CMC2: variants seen among roughly 807,000 people sequenced by gnomAD.
CMC2 encodes the protein C-X9-C motif containing 2.
CMC2 carries 5 observed loss-of-function variants against 7.5 expected under a neutral mutation model. The ratio of observed to expected loss-of-function variants is 0.66; its 90% CI spans 0.35 to 1.40. The LOEUF (loss-of-function observed/expected upper bound fraction) is 1.40, where lower values mean the gene tolerates loss of function less well. CMC2 is among the 40% of genes most tolerant of loss of function. The probability of loss-of-function intolerance (pLI) is 0.04; values close to 1 mark genes in which losing one functional copy is unlikely to be tolerated. For missense variants in CMC2, 115 were observed against 92.3 expected, an observed-to-expected ratio of 1.25 and a Z score of -1.01; for synonymous variants, 37 against 31.4, an observed-to-expected ratio of 1.18 and a Z score of -0.60.
rs976939258 is a variant in CMC2, at chr16:80,970,640, T to C, written c.*5453A>G. 1 of 152,238 alleles carries C rather than the reference T, an allele frequency of 6.6e-6. No individual in the cohort carries two copies. The highest frequency in any genetic ancestry group is 1.5e-5 in the Non-Finnish European group (1 of 68,032). The allele number at this position is 152,238 out of a possible 1,614,324, so 9.4% of individuals were successfully genotyped here. A position where few individuals can be genotyped will look rare whatever the true frequency, so the allele number is the denominator to read the frequency against. ...GAAACAAATGATTCATTACTGTTAC[T>C]ATTCAAAAGTGATGTGACTGTCTAC... On this transcript the variant is annotated 3_prime_UTR_variant, in exon 4 of 4. Coordinates refer to ENST00000219400, the MANE Select transcript of CMC2 (RefSeq NM_020188.5).
At chr16:80,984,086 T>G (rs1451543812) in intron 2 of CMC2, 1 of 152,244 alleles carries the variant, frequency 6.6e-6, no homozygotes, top group African/African-American at 2.4e-5. Flanking sequence ...AAGTTCAGTC[T>G]GATTTAAAAA....
chr16:80,974,987 A>G lies in CMC2; in HGVS notation c.*1106T>C, dbSNP rs186951177. Reference sequence around the variant, plus strand: ...AGGCCTCATGCTGGATATTATACACAGAACTCCACTAGAAGGAGCTCACAG... The same window carrying G: ...AGGCCTCATGCTGGATATTATACACGGAACTCCACTAGAAGGAGCTCACAG... On this transcript the variant is annotated 3_prime_UTR_variant, in exon 4 of 4. Coordinates refer to ENST00000219400, the MANE Select transcript of CMC2 (RefSeq NM_020188.5). The G allele has an allele frequency of 2.0e-5, 3 of 152,356 alleles. No homozygotes were observed. The highest frequency in any genetic ancestry group is 2.9e-5 in the Non-Finnish European group (2 of 68,042). 9.4% of individuals were successfully genotyped at this position (152,356 alleles called of 1,614,324 possible).
rs182117468 is a variant in CMC2 at position 80,990,746 on chromosome 16, T to A, written c.81+6568A>T. ...TTTTTTCTTCTTTTCAGAGGCAGGG[T>A]CTTACTCTGTCACCCAGGCTGGAAT... is the stretch of plus-strand genomic sequence containing the variant. On this transcript the variant is annotated intron_variant, in intron 2 of 3. Transcript: ENST00000219400. Among the ~76,000 whole-genome samples, 46 of 152,106 alleles carry A rather than the reference T, an allele frequency of 3.0e-4. No individual in the cohort carries two copies. The East Asian group carries it at 8.5e-3, about 28-fold the overall frequency.
intron 3 of CMC2, among the ~76,000 whole-genome samples, chr16:80,979,087 T>A (rs7184691): frequency 0.38 from 57,100 of 149,448 alleles, 12,252 homozygotes; most frequent in African/African-American, 0.6. Context: ...GCAAAAAAAA[T>A]AAAAAAATAA....
intron 3 of CMC2, among the ~76,000 whole-genome samples, chr16:80,978,633 C>T (rs779753821): frequency 1.3e-5 from 2 of 151,750 alleles, no homozygotes; most frequent in Non-Finnish European, 2.9e-5. Flanking sequence ...CTTTGGGAGG[C>T]CAAGATGGGA....
intron 2 of CMC2, among the ~76,000 whole-genome samples, chr16:80,986,031 T>C (rs1967503176): frequency 6.6e-6 from 1 of 152,012 alleles, no homozygotes; most frequent in Non-Finnish European, 1.5e-5. Flanking sequence ...TAACGCATTG[T>C]ATAGGCAAAA....
rs1396441845 is a variant in CMC2 at position 80,968,932 on chromosome 16, T to G, written c.*7161A>C. The G allele has an allele frequency of 2.6e-5, 4 of 152,094 alleles. No individual in the cohort carries two copies. The highest frequency in any genetic ancestry group is 5.9e-5 in the Non-Finnish European group (4 of 68,028). 9.4% of individuals were successfully genotyped at this position (152,094 alleles called of 1,614,324 possible). On this transcript the variant is annotated 3_prime_UTR_variant, in exon 4 of 4. Transcript: ENST00000219400. Reference sequence around the variant, plus strand: ...AGGAATGGTGTGAGAAACAAGAATATCACATAAAGCCAGGAGATGGTAATC... The same window carrying G: ...AGGAATGGTGTGAGAAACAAGAATAGCACATAAAGCCAGGAGATGGTAATC...
In CMC2 at chr16:80,975,229, C is replaced by T. The variant is rs1369370740; in HGVS notation, c.*864G>A. On this transcript the variant is annotated 3_prime_UTR_variant, in exon 4 of 4. Coordinates refer to ENST00000219400, the MANE Select transcript of CMC2 (RefSeq NM_020188.5). ...AATGTCCAGGAGTTAACTGGCACCT[C>T]GAGTGGACACATTCAACCAAATGGG... The T allele has an allele frequency of 2.0e-5, 3 of 152,250 alleles. No individual in the cohort carries two copies. Among genetic ancestry groups the T allele is most frequent in the African/African-American group, 7.2e-5 (3 of 41,448 alleles). 9.4% of individuals were successfully genotyped at this position (152,250 alleles called of 1,614,324 possible). A position where few individuals can be genotyped will look rare whatever the true frequency, so the allele number is the denominator to read the frequency against.
At position 80,974,977 on chromosome 16, in the gene CMC2, T is replaced by C. The variant is rs937232208; in HGVS notation, c.*1116A>G. The C allele has an allele frequency of 6.6e-6, 1 of 152,234 alleles. No individual in the cohort carries two copies. The highest frequency in any genetic ancestry group is 1.5e-5 in the Non-Finnish European group (1 of 68,062). 9.4% of individuals were successfully genotyped at this position (152,234 alleles called of 1,614,324 possible). On this transcript the variant is annotated 3_prime_UTR_variant, in exon 4 of 4. Transcript: ENST00000219400. ...AACACCAACAAGGCCTCATGCTGGA[T>C]ATTATACACAGAACTCCACTAGAAG...
intron 1 of CMC2, chr16:80,997,685 C>G (rs1334663274): frequency 4.1e-6 from 1 of 241,366 alleles, no homozygotes; most frequent in East Asian, 8.0e-5. Flanking sequence ...AGACCCAATC[C>G]CGGAAATAAG....
At chr16:80,994,174 T>G (rs1223268149) in intron 2 of CMC2, among the ~76,000 whole-genome samples, 2 of 152,086 alleles carry the variant, frequency 1.3e-5, no homozygotes, top group African/African-American at 4.8e-5. Flanking sequence ...AACTCACACC[T>G]CATACTATAC....
chr16:81,004,088 T>TATCG (rs1969057992), intron 1 of CMC2, among the ~76,000 whole-genome samples: 2 of 152,068 alleles, frequency 1.3e-5, no homozygotes, highest in Admixed American at 1.3e-4. Flanking sequence ...CTGGGCGTGG[T>TATCG]GGTGGGGGCC....
chr16:80,981,383 C>A (rs915188709), intron 3 of CMC2, among the ~76,000 whole-genome samples: 1 of 151,412 alleles, frequency 6.6e-6, no homozygotes, highest in Non-Finnish European at 1.5e-5. Context: ...ACCATAACTA[C>A]AAAGAAATTC....
intron 2 of CMC2, among the ~76,000 whole-genome samples, chr16:80,987,824 C>A (rs1258421236): frequency 6.6e-6 from 1 of 152,150 alleles, no homozygotes; most frequent in Non-Finnish European, 1.5e-5. Context: ...CAGAATTACA[C>A]AAACTCAGGG....
At chr16:81,000,250 C>T (rs191215616) in intron 1 of CMC2, among the ~76,000 whole-genome samples, 4 of 152,072 alleles carry the variant, frequency 2.6e-5, no homozygotes, top group African/African-American at 4.8e-5. Flanking sequence ...GTAATCCCAG[C>T]GCTTTGGGAG....
chr16:80,979,689 G>A (rs1966970917), intron 3 of CMC2, among the ~76,000 whole-genome samples: 1 of 151,578 alleles, frequency 6.6e-6, no homozygotes, highest in African/African-American at 2.4e-5. Flanking sequence ...AATGTGATCT[G>A]GGCTCACCGC....
intron 3 of CMC2, chr16:80,980,774 C>T (rs559554585): frequency 4.0e-5 from 28 of 691,774 alleles, no homozygotes; most frequent in Non-Finnish European, 6.0e-5. Flanking sequence ...ACGCACCTGT[C>T]GTCCTAGCTA....
rs1379359922 is a variant in CMC2, at chr16:80,966,786, A to G, written c.*9307T>C. 1 of 152,108 alleles carries G rather than the reference A, an allele frequency of 6.6e-6. No homozygotes were observed. Among genetic ancestry groups the G allele is most frequent in the Non-Finnish European group, 1.5e-5 (1 of 68,012 alleles). The allele number at this position is 152,108 out of a possible 1,614,324, so 9.4% of individuals were successfully genotyped here. ...TTCAGCTTGTTTTCAAGTTTTAGGA[A>G]TTTCTTCTTTTCTTTATATAATCAC... On this transcript the variant is annotated 3_prime_UTR_variant, in exon 4 of 4. Coordinates refer to ENST00000219400, the MANE Select transcript of CMC2 (RefSeq NM_020188.5).
At chr16:80,989,226 A>G (rs1967783771) in intron 2 of CMC2, among the ~76,000 whole-genome samples, 1 of 152,216 alleles carries the variant, frequency 6.6e-6, no homozygotes, top group South Asian at 2.1e-4. Flanking sequence ...TCTATTAATG[A>G]TTACTGACTA....
Sources: allele counts gnomAD v4.1 joint callset (sites outside exome capture counted in the v4.1 genomes callset), GRCh38; gene constraint gnomAD v4.1.1; transcripts MANE v1.5; gene names NCBI Gene and HGNC (gene_info 2026-07-23, HGNC 2026-07-21).